Variants in CACNA1C observed in about 807,000 individuals in gnomAD.
The protein encoded by CACNA1C is voltage-dependent L-type calcium channel subunit alpha-1C.
In CACNA1C, 30 loss-of-function variants were observed where a neutral mutation model predicts 229.0. The observed-to-expected ratio is 0.13, with a 90% CI of 0.10 to 0.18. The LOEUF is 0.18. Ranked by LOEUF, CACNA1C falls within the 10% of genes least tolerant of loss-of-function variation. The pLI, the probability that CACNA1C is intolerant of heterozygous loss-of-function variation, is 1.00. For missense variants in CACNA1C, 1,658 were observed against 2,845.0 expected, an observed-to-expected ratio of 0.58 and a Z score of 9.49; for synonymous variants, 1,114 against 1,132.5, an observed-to-expected ratio of 0.98 and a Z score of 0.33.
intron 3 of CACNA1C, among the ~76,000 whole-genome samples, chr12:2,339,037 G>A (rs1250198687): frequency 1.3e-5 from 2 of 152,128 alleles, no homozygotes; most frequent in Admixed American, 6.5e-5. Context: ...GTACAGTCAC[G>A]AATTGCTTAA....
At chr12:2,548,374 C>G (rs572690122) in intron 9 of CACNA1C, among the ~76,000 whole-genome samples, 13 of 152,082 alleles carry the variant, frequency 8.5e-5, no homozygotes, top group Admixed American at 1.3e-4. Flanking sequence ...CAGAGGTGGT[C>G]GAGACTGGGG....
rs377173230 is a variant in CACNA1C at position 2,688,535 on chromosome 12, C to T, written c.5873C>T (p.Thr1958Ile). 6.2e-7 allele frequency: 1 copy of T among 1,614,028 alleles called. No homozygotes were observed. The highest frequency in any genetic ancestry group is 8.5e-7 in the Non-Finnish European group (1 of 1,179,892). Residue 1958 changes from threonine (T) to isoleucine (I), a missense_variant, in exon 46 of 47, where the codon ACA becomes ATA. Around this residue, in one of 20 missense-constraint regions of CACNA1C, gnomAD observed 590 missense variants for 700.8 expected, o/e 0.84. Transcript: ENST00000399655. Reference protein sequence around the residue: ...FPRPFATPPATPGSRGWPPQP... With the variant: ...FPRPFATPPAIPGSRGWPPQP... ...AGGCCTTTTGCCACCCCACCAGCCA[C>T]ACCTGGCAGCCGAGGCTGGCCCCCA...
At chr12:2,439,138 C>G (rs919795399) in intron 3 of CACNA1C, among the ~76,000 whole-genome samples, 3 of 152,168 alleles carry the variant, frequency 2.0e-5, no homozygotes, top group African/African-American at 7.2e-5. Context: ...AATGACAGAA[C>G]AAGTAGCCTT....
At chr12:2,531,502 C>A (rs1464479268) in intron 9 of CACNA1C, among the ~76,000 whole-genome samples, 6 of 152,192 alleles carry the variant, frequency 3.9e-5, no homozygotes, top group Admixed American at 1.3e-4. Flanking sequence ...ATTCCAATCC[C>A]CTTGAAGCCC....
intron 7 of CACNA1C, among the ~76,000 whole-genome samples, chr12:2,499,874 A>G (rs112286310): frequency 0.034 from 5,176 of 152,068 alleles, 290 homozygotes; most frequent in African/African-American, 0.12. Context: ...TTAGGACATC[A>G]ATCTCATGAC....
In CACNA1C at chr12:2,646,514, A is replaced by C. The variant is rs1222719623; in HGVS notation, c.3913-1961A>C. 1 of 152,136 alleles carries C rather than the reference A, an allele frequency of 6.6e-6. No homozygotes were observed. The highest frequency in any genetic ancestry group is 1.5e-5 in the Non-Finnish European group (1 of 68,066). 9.4% of individuals were successfully genotyped at this position (152,136 alleles called of 1,614,324 possible). ...AAGCTTCCTGGGAGCTCTGCCCAAC[A>C]CTCAGGAGTTAACATGGTGTAGGTT... On this transcript the variant is annotated intron_variant, in intron 30 of 46. Coordinates refer to ENST00000399655, the MANE Select transcript of CACNA1C (RefSeq NM_000719.7). The surrounding 1 kb of genome is among the most constrained non-coding windows in gnomAD (Gnocchi z 4.6).
chr12:2,202,131 C>T (rs1291214146), intron 3 of CACNA1C, among the ~76,000 whole-genome samples: 2 of 152,210 alleles, frequency 1.3e-5, no homozygotes, highest in Admixed American at 6.5e-5. Flanking sequence ...TGGGCCTTCA[C>T]AATGCACAGG....
chr12:2,370,346 A>G (rs1049270667), intron 3 of CACNA1C, among the ~76,000 whole-genome samples: 2 of 152,254 alleles, frequency 1.3e-5, no homozygotes, highest in Non-Finnish European at 2.9e-5. Context: ...CTAATTTTCC[A>G]TCTAGGAATT....
At chr12:2,443,963 G>GCA (rs1462237210) in intron 3 of CACNA1C, among the ~76,000 whole-genome samples, 1 of 152,002 alleles carries the variant, frequency 6.6e-6, no homozygotes, top group Non-Finnish European at 1.5e-5. Flanking sequence ...GTCAGCACAC[G>GCA]CACACACACA....
At chr12:2,682,887 ACACACAGACAC>A (rs2097238533) in intron 43 of CACNA1C, among the ~76,000 whole-genome samples, 1 of 141,502 alleles carries the variant, frequency 7.1e-6, no homozygotes, top group Non-Finnish European at 1.5e-5. Flanking sequence ...CACCACACAC[ACACACAGACAC>A]ACACAACACA....
intron 34 of CACNA1C, among the ~76,000 whole-genome samples, chr12:2,658,645 G>T (rs556470403): frequency 1.3e-5 from 2 of 151,230 alleles, no homozygotes; most frequent in South Asian, 2.1e-4. Flanking sequence ...TAAGTTAACC[G>T]TAAAACAGCC....
At position 2,663,887 on chromosome 12, in the gene CACNA1C, G is replaced by A. The variant is rs190135069; in HGVS notation, c.4233-938G>A. Among the ~76,000 whole-genome samples the A allele has an allele frequency of 1.8e-3, 272 of 151,958 alleles. 6 individuals carry two copies. Among genetic ancestry groups the A allele is most frequent in the East Asian group, 2.1e-3 (11 of 5,134 alleles). On this transcript the variant is annotated intron_variant, in intron 34 of 46. Transcript: ENST00000399655. ...TTCCCAAGTAGCTGGGACTACAGGC[G>A]CCCACCACCGCGCCCGGCTAATTTT...
intron 5 of CACNA1C, 123 bp from the exon 6 acceptor site, chr12:2,485,981 C>T: frequency 1.4e-6 from 1 of 725,820 alleles, no homozygotes; most frequent in Non-Finnish European, 2.1e-6. Flanking sequence ...GAGCCTCAGT[C>T]TTCTCATCTA....
At chr12:2,360,174 A>ACC (rs2097523180) in intron 3 of CACNA1C, among the ~76,000 whole-genome samples, 6 of 20,190 alleles carry the variant, frequency 3.0e-4, no homozygotes, top group African/African-American at 8.7e-4. Flanking sequence ...CCACCCCCCC[A>ACC]CCCCACACAC....
intron 3 of CACNA1C, among the ~76,000 whole-genome samples, chr12:2,124,221 G>A (rs1596481286): frequency 6.6e-6 from 1 of 151,974 alleles, no homozygotes; most frequent in East Asian, 1.9e-4. Context: ...ACTGTAAACA[G>A]TTGTTTCAAA....
chr12:2,153,135 A>G (rs985384924), intron 3 of CACNA1C, among the ~76,000 whole-genome samples: 1 of 152,136 alleles, frequency 6.6e-6, no homozygotes, highest in Admixed American at 6.5e-5. Flanking sequence ...CCTTGAGCGA[A>G]TGGAGCAGTT....
At chr12:2,516,858 G>A (rs2099797888) in intron 9 of CACNA1C, among the ~76,000 whole-genome samples, 1 of 152,136 alleles carries the variant, frequency 6.6e-6, no homozygotes, top group Admixed American at 6.5e-5. Context: ...CTGTAATTTG[G>A]GAAGTCAACA....
At chr12:2,192,871 C>T (rs776839987) in intron 3 of CACNA1C, among the ~76,000 whole-genome samples, 2 of 152,182 alleles carry the variant, frequency 1.3e-5, no homozygotes, top group East Asian at 1.9e-4. Context: ...GCCAGAGTTT[C>T]ATGCTGTGTG....
chr12:2,636,856 G>A (rs758544096), intron 30 of CACNA1C, among the ~76,000 whole-genome samples: 2 of 152,150 alleles, frequency 1.3e-5, no homozygotes, highest in Admixed American at 6.6e-5. Flanking sequence ...TGAGAGTTCC[G>A]CTGCCCCTGT....
Sources: allele counts gnomAD v4.1 joint callset (sites outside exome capture counted in the v4.1 genomes callset), GRCh38; gene constraint gnomAD v4.1.1; regional missense constraint gnomAD v4.1.1; non-coding constraint Gnocchi (gnomAD v3.1); transcripts MANE v1.5; gene names NCBI Gene and HGNC (gene_info 2026-07-23, HGNC 2026-07-21).